The following NVL variants were observed in gnomAD, a reference collection of about 807,000 sequenced individuals.
NVL encodes nuclear VCP like.
Under a neutral mutation model 110.2 loss-of-function variants are expected in NVL, and 84 were observed. That is an observed-to-expected ratio of 0.76 (90% confidence interval 0.64 to 0.91). The LOEUF is 0.91. Ranked by LOEUF, NVL falls within the 40% of genes least tolerant of loss-of-function variation. NVL has a pLI of 0.00. For missense variants in NVL, 882 were observed against 1,035.9 expected (o/e 0.85, Z 2.04); for synonymous variants, 354 against 361.1 (o/e 0.98, Z 0.22).
intron 4 of NVL, among the ~76,000 whole-genome samples, chr1:224,313,500 G>A (rs1267686306): frequency 6.6e-6 from 1 of 152,064 alleles, no homozygotes; most frequent in Non-Finnish European, 1.5e-5. Context: ...GATGGTGCAA[G>A]CGAAAATTAA....
At position 224,265,896 on chromosome 1, in the gene NVL, G is replaced by A. The variant is rs1664454219; in HGVS notation, c.2182+2138C>T. The stretch of plus-strand genomic sequence containing the variant: ...GATCCTCCTGTCTCAACCTCGTAAA[G>A]TGCTAGGATTACAGGCATAAGCCAC... On this transcript the variant is annotated intron_variant, in intron 18 of 22. Transcript: ENST00000281701. Among the ~76,000 whole-genome samples, 7 of 152,270 alleles carry A rather than the reference G, an allele frequency of 4.6e-5. No homozygotes were observed. In the South Asian group the frequency reaches 1.5e-3, roughly 32 times the overall value.
chr1:224,260,456 C>T (rs988207597), intron 18 of NVL, among the ~76,000 whole-genome samples: 2 of 152,020 alleles, frequency 1.3e-5, no homozygotes, highest in African/African-American at 4.8e-5. Context: ...ACGGGTTTCA[C>T]CATGTTGGCC....
At chr1:224,249,460 C>T (rs1224605530) in intron 19 of NVL, among the ~76,000 whole-genome samples, 1 of 150,402 alleles carries the variant, frequency 6.6e-6, no homozygotes, top group Non-Finnish European at 1.5e-5. Flanking sequence ...TAGGGTCTTG[C>T]GGGGTCTGGT....
chr1:224,237,078 A>G (rs1558235360), intron 19 of NVL, among the ~76,000 whole-genome samples: 1 of 152,240 alleles, frequency 6.6e-6, no homozygotes, highest in East Asian at 1.9e-4. Flanking sequence ...AAAGGCAAAC[A>G]ATTTATGCTC....
chr1:224,269,658 T>C (rs1310474731), intron 17 of NVL: 1 of 152,170 alleles, frequency 6.6e-6, no homozygotes, highest in Non-Finnish European at 1.5e-5. Context: ...ATGAGAAAAG[T>C]GGTGCTGTGT....
rs1483889537 is a variant in NVL, at chr1:224,326,435, A to AT, written c.86dup (p.Tyr29Ter). The AT allele has an allele frequency of 6.2e-7, 1 of 1,612,724 alleles. No homozygotes were observed. The highest frequency in any genetic ancestry group is 1.1e-5 in the South Asian group (1 of 90,922). Residue 29 changes from tyrosine (Y) to a stop codon, truncating the protein, a stop_gained and frameshift_variant, in exon 2 of 23, where the codon TAT becomes TAAT. Coordinates refer to ENST00000281701, the MANE Select transcript of NVL (RefSeq NM_002533.4). LOFTEE classifies it high-confidence loss of function. The part of the protein sequence containing the change: ...QYLTSNKCGK[Y>*]VDIGVLASDL... ...CAGACGCTAAGACTCCAATGTCCACATATTTGCCACATTTGTTACTGGTAA... is the reference window on the plus strand; with the variant it reads ...CAGACGCTAAGACTCCAATGTCCACATTATTTGCCACATTTGTTACTGGTAA...
intron 19 of NVL, among the ~76,000 whole-genome samples, chr1:224,239,316 C>T (rs539589665): frequency 3.3e-5 from 5 of 152,124 alleles, no homozygotes; most frequent in South Asian, 2.1e-4. Context: ...TTTAAAGTAT[C>T]TTAATAGATA....
At chr1:224,237,201 C>A (rs1057213342) in intron 19 of NVL, among the ~76,000 whole-genome samples, 1 of 152,212 alleles carries the variant, frequency 6.6e-6, no homozygotes, top group Non-Finnish European at 1.5e-5. Flanking sequence ...TCCTTTCCAG[C>A]TTAAACATGG....
In NVL at chr1:224,281,120, T is replaced by C; in HGVS notation, c.1962+3A>G. 1 of 1,612,724 alleles carries C rather than the reference T, an allele frequency of 6.2e-7. No homozygotes were observed. Among genetic ancestry groups the C allele is most frequent in the Non-Finnish European group, 8.5e-7 (1 of 1,178,796 alleles). On this transcript the variant is annotated splice_donor_region_variant and intron_variant, in intron 16 of 22. Transcript: ENST00000281701. ...AAATAATGGTTCTTGCTCAATAACT[T>C]ACCATGTTTAGTAATTCGGGGCCCT...
chr1:224,317,864 A>G lies in NVL; in HGVS notation c.184+14T>C, dbSNP rs756766015. 2.1e-6 allele frequency: 3 copies of G among 1,427,446 alleles called. No individual in the cohort carries two copies. The South Asian group carries it at 3.5e-5, about 17-fold the overall frequency. The allele number at this position is 1,427,446 out of a possible 1,614,324, so 88.4% of individuals were successfully genotyped here. A position where few individuals can be genotyped will look rare whatever the true frequency, so the allele number is the denominator to read the frequency against. ...TAACTTTATTGATAATTTAGCTCTA[A>G]CAATAAGACTCACCTTTTTCTACCT... On this transcript the variant is annotated intron_variant, in intron 3 of 22. Transcript: ENST00000281701.
chr1:224,275,656 TAA>T, intron 16 of NVL, among the ~76,000 whole-genome samples, 198 bp from the exon 17 acceptor site: 1 of 152,216 alleles, frequency 6.6e-6, no homozygotes, highest in South Asian at 2.1e-4. Context: ...TTCAACTTAA[TAA>T]AATTAGCTAC....
intron 20 of NVL, among the ~76,000 whole-genome samples, 186 bp from the exon 21 acceptor site, chr1:224,233,475 C>A (rs1660133609): frequency 6.6e-6 from 1 of 152,188 alleles, no homozygotes; most frequent in African/African-American, 2.4e-5. Flanking sequence ...TAAGATATTT[C>A]TAGGCCAGGT....
Position 224,303,740 on chromosome 1 carries a change from C to T in NVL, c.943G>A (p.Ala315Thr). The T allele has an allele frequency of 6.2e-7, 1 of 1,612,676 alleles. No individual in the cohort carries two copies. The highest frequency in any genetic ancestry group is 8.5e-7 in the Non-Finnish European group (1 of 1,179,276). ...GPPGCGKTLL[A>T]HAIAGELDLP... ...AGCCTCACCCCAGCAATTGCATGTGCAAGTAATGTCTTCCCACAGCCTGGT... is the reference window on the plus strand; with the variant it reads ...AGCCTCACCCCAGCAATTGCATGTGTAAGTAATGTCTTCCCACAGCCTGGT... Residue 315 changes from alanine to threonine, a missense_variant, in exon 9 of 23, where the codon GCA becomes ACA. Coordinates refer to ENST00000281701, the MANE Select transcript of NVL (RefSeq NM_002533.4).
intron 1 of NVL, among the ~76,000 whole-genome samples, chr1:224,328,968 G>A (rs1434446514): frequency 1.3e-5 from 2 of 152,134 alleles, no homozygotes; most frequent in African/African-American, 4.8e-5. Context: ...CACTTTGGGA[G>A]GCTGAGGCCC....
intron 19 of NVL, among the ~76,000 whole-genome samples, chr1:224,242,788 T>A (rs1661348835): frequency 6.6e-6 from 1 of 151,574 alleles, no homozygotes; most frequent in African/African-American, 2.4e-5. Context: ...TTAAATCTAT[T>A]CTTAACTACA....
chr1:224,321,320 G>A (rs993045580), intron 2 of NVL, among the ~76,000 whole-genome samples: 5 of 152,170 alleles, frequency 3.3e-5, no homozygotes, highest in African/African-American at 1.2e-4. Context: ...CTTCACTCAT[G>A]AGCCATACAA....
intron 14 of NVL, among the ~76,000 whole-genome samples, chr1:224,287,137 AG>A (rs1356217437): frequency 6.6e-6 from 1 of 152,194 alleles, no homozygotes; most frequent in African/African-American, 2.4e-5. Context: ...ATGGAACTAG[AG>A]GTCATTATGT....
intron 16 of NVL, among the ~76,000 whole-genome samples, chr1:224,278,353 T>TAGCAGGA (rs1665981172): frequency 6.6e-6 from 1 of 151,134 alleles, no homozygotes; most frequent in Non-Finnish European, 1.5e-5. Flanking sequence ...CTGCCTCAGC[T>TAGCAGGA]TCCTGAGTAG....
chr1:224,270,768 T>C (rs924795003), intron 17 of NVL, among the ~76,000 whole-genome samples: 7 of 152,160 alleles, frequency 4.6e-5, no homozygotes, highest in African/African-American at 1.4e-4. Context: ...TCACTGGAGA[T>C]AGTCAACCTC....
Sources: allele counts gnomAD v4.1 joint callset (sites outside exome capture counted in the v4.1 genomes callset), GRCh38; gene constraint gnomAD v4.1.1; transcripts MANE v1.5; gene names NCBI Gene and HGNC (gene_info 2026-07-23, HGNC 2026-07-21).